Variants in POLA1 observed in about 807,000 individuals in gnomAD.
POLA1 encodes the protein DNA polymerase alpha 1, catalytic subunit, also known as DNA polymerase alpha catalytic subunit.
A neutral mutation model predicts 124.0 loss-of-function variants in POLA1; 15 were observed. The ratio of observed to expected loss-of-function variants is 0.12; its 90% CI spans 0.08 to 0.19. The LOEUF is 0.19. Among genes scored for constraint, POLA1 ranks in the 10% least tolerant of loss-of-function variants. The pLI is 1.00. For synonymous variants in POLA1, 408 were observed against 389.4 expected (o/e 1.05, Z -0.56); for missense variants, 886 against 1,103.4 (o/e 0.80, Z 2.79).
chrX:24,941,144 C>T (rs1166944931), intron 36 of POLA1, among the ~76,000 whole-genome samples: 2 of 111,622 alleles, frequency 1.8e-5, no homozygotes, highest in Non-Finnish European at 3.8e-5. Context: ...TGTTTATGCT[C>T]CCTCTATGAG....
intron 35 of POLA1, among the ~76,000 whole-genome samples, chrX:24,899,475 G>A (rs1214967478): frequency 1.8e-5 from 2 of 111,169 alleles, no homozygotes; most frequent in Admixed American, 1.9e-4. Flanking sequence ...TTATGAAGAG[G>A]GCAGTATCTC....
intron 32 of POLA1, among the ~76,000 whole-genome samples, chrX:24,838,804 A>G (rs765668126): frequency 8.9e-6 from 1 of 112,539 alleles, no homozygotes; most frequent in Non-Finnish European, 1.9e-5. Context: ...TTTAAAATTC[A>G]GAATCTCTAC....
chrX:24,930,848 T>TC (rs2047765902), intron 36 of POLA1, among the ~76,000 whole-genome samples: 1 of 112,553 alleles, frequency 8.9e-6, no homozygotes, highest in Non-Finnish European at 1.9e-5. Flanking sequence ...CTACAGAGTT[T>TC]AGTAACTGTA....
chrX:24,887,929 T>C, intron 34 of POLA1, 77 bp from the exon 35 acceptor site: 2 of 597,985 alleles, frequency 3.3e-6, no homozygotes, highest in East Asian at 6.5e-5. Context: ...AAAATGAGTC[T>C]ATCTTGATAA....
At chrX:24,726,139 G>A (rs1930525073) in intron 13 of POLA1, 84 bp downstream of exon 13, 4 of 592,264 alleles carry the variant, frequency 6.8e-6, no homozygotes, top group Non-Finnish European at 8.4e-6. Context: ...TTTCAGTTAC[G>A]AGTATTGGCA....
chrX:24,836,909 T>C (rs934807452), intron 32 of POLA1, among the ~76,000 whole-genome samples: 10 of 111,961 alleles, frequency 8.9e-5, no homozygotes, highest in Admixed American at 8.6e-4. Context: ...ATACATCTTA[T>C]ACACGTAGCC....
chrX:24,966,783 AT>A (rs1334364742), intron 36 of POLA1, among the ~76,000 whole-genome samples: 1 of 112,279 alleles, frequency 8.9e-6, no homozygotes, highest in African/African-American at 3.2e-5. Context: ...TAAATTCAAA[AT>A]GCTTGTCCAA....
intron 26 of POLA1, among the ~76,000 whole-genome samples, chrX:24,801,604 G>A (rs996568847): frequency 9.0e-6 from 1 of 110,827 alleles, no homozygotes; most frequent in African/African-American, 3.3e-5. Flanking sequence ...GTCTCGAGAA[G>A]GCTTTTCTGA....
intron 21 of POLA1, 105 bp downstream of exon 21, chrX:24,741,609 G>T (rs1379195911): frequency 7.4e-6 from 5 of 678,428 alleles, no homozygotes; most frequent in Non-Finnish European, 1.1e-5. Flanking sequence ...CTTATAAAAT[G>T]AGTAACTTGG....
At chrX:24,738,874 A>G (rs1263525647) in intron 19 of POLA1, among the ~76,000 whole-genome samples, 1 of 112,007 alleles carries the variant, frequency 8.9e-6, no homozygotes, top group Non-Finnish European at 1.9e-5. Flanking sequence ...ACTACAGATC[A>G]AAGTTGGGGC....
chrX:24,752,980 T>C (rs1932397521), intron 26 of POLA1, among the ~76,000 whole-genome samples: 1 of 111,607 alleles, frequency 9.0e-6, no homozygotes, highest in Non-Finnish European at 1.9e-5. Flanking sequence ...TTGAATTTGT[T>C]TTTTTATTGC....
chrX:24,714,504 C>A, intron 4 of POLA1, 50 bp from the exon 5 acceptor site: 1 of 765,683 alleles, frequency 1.3e-6, no homozygotes. Flanking sequence ...TTTAGTTTTC[C>A]ATTTTGATTT....
chrX:24,964,143 A>G (rs1178059516), intron 36 of POLA1, among the ~76,000 whole-genome samples: 1 of 112,111 alleles, frequency 8.9e-6, no homozygotes, highest in African/African-American at 3.2e-5. Flanking sequence ...GTTGAACACC[A>G]TTAGCTATAC....
chrX:24,772,506 C>T (rs1028220945), intron 26 of POLA1, among the ~76,000 whole-genome samples: 1 of 110,402 alleles, frequency 9.1e-6, no homozygotes, highest in Non-Finnish European at 1.9e-5. Flanking sequence ...AAGCCTAATA[C>T]TTATCAGTTA....
intron 35 of POLA1, among the ~76,000 whole-genome samples, chrX:24,907,370 G>A (rs1019170226): frequency 1.4e-4 from 16 of 111,006 alleles, no homozygotes; most frequent in African/African-American, 4.9e-4. Flanking sequence ...TATTTGAAAC[G>A]TCCTGAGTTG....
intron 36 of POLA1, among the ~76,000 whole-genome samples, chrX:24,947,513 C>T (rs1389525027): frequency 2.7e-5 from 3 of 110,062 alleles, no homozygotes; most frequent in East Asian, 2.8e-4. Flanking sequence ...TGAAGAGATC[C>T]GCCTGCCTTG....
chrX:24,942,728 T>C, intron 36 of POLA1, among the ~76,000 whole-genome samples: 1 of 112,175 alleles, frequency 8.9e-6, no homozygotes. Flanking sequence ...TCTCGCTCTG[T>C]CACCTAGGCT....
In POLA1 at chrX:24,703,314, G is replaced by T; in HGVS notation, c.232G>T (p.Ala78Ser). The change falls in exon 3 of 37, where the codon GCA (alanine) becomes TCA (serine). Residue 78 changes from alanine to serine, a missense_variant. Coordinates refer to ENST00000379068, the MANE Select transcript of POLA1 (RefSeq NM_001330360.2). ...DEEQYSKLVQ[A>S]RQDDDWIVDD... Reference sequence around the variant, plus strand: ...AGAACAGTATTCGAAGCTGGTTCAGGCACGCCAGGATGATGACTGGATTGT... The same window carrying T: ...AGAACAGTATTCGAAGCTGGTTCAGTCACGCCAGGATGATGACTGGATTGT... The T allele has an allele frequency of 2.5e-6, 3 of 1,205,548 alleles. No individual in the cohort carries two copies. The highest frequency in any genetic ancestry group is 3.4e-6 in the Non-Finnish European group (3 of 890,505).
chrX:24,848,505 AC>A (rs891150893), intron 34 of POLA1, among the ~76,000 whole-genome samples: 11 of 111,976 alleles, frequency 9.8e-5, no homozygotes, highest in African/African-American at 3.6e-4. Flanking sequence ...TGCAAGTTAA[AC>A]AAAAAAACTT....
Sources: gnomAD v4.1 joint callset for allele counts (sites outside exome capture counted in the v4.1 genomes callset) on GRCh38, gnomAD v4.1.1 for gene constraint, MANE v1.5 for transcripts, NCBI Gene and HGNC (gene_info 2026-07-23, HGNC 2026-07-21) for gene names.